Variants in NUP210 observed in about 807,000 individuals in gnomAD.
The protein encoded by NUP210 is nuclear pore membrane glycoprotein 210.
Under a neutral mutation model 196.0 loss-of-function variants are expected in NUP210, and 151 were observed. The ratio of observed to expected loss-of-function variants is 0.77; its 90% CI spans 0.67 to 0.88. The LOEUF is 0.88. Ranked by LOEUF, NUP210 falls within the 40% of genes least tolerant of loss-of-function variation. The pLI, the probability that NUP210 is intolerant of heterozygous loss-of-function variation, is 0.00. For missense variants in NUP210, 2,314 were observed against 2,493.7 expected, an observed-to-expected ratio of 0.93 and a Z score of 1.53; for synonymous variants, 1,070 against 1,052.7, an observed-to-expected ratio of 1.02 and a Z score of -0.32.
chr3:13,352,789 G>A (rs544165650), intron 18 of NUP210, among the ~76,000 whole-genome samples: 14 of 152,270 alleles, frequency 9.2e-5, no homozygotes, highest in Admixed American at 3.3e-4. Flanking sequence ...ATGCACGGAT[G>A]GAAGAGCAAG....
At position 13,322,182 on chromosome 3, in the gene NUP210, C is replaced by T. The variant is rs1696565135; in HGVS notation, c.4915+11G>A. 2 of 1,613,864 alleles carry T rather than the reference C, an allele frequency of 1.2e-6. 1 individual carries two copies. Among genetic ancestry groups the T allele is most frequent in the South Asian group, 2.2e-5 (2 of 91,068 alleles). On this transcript the variant is annotated intron_variant, in intron 35 of 39. Coordinates refer to ENST00000254508, the MANE Select transcript of NUP210 (RefSeq NM_024923.4). ...TCCAAGTCCCTTTCACTTTCAAATC[C>T]TCGCAATTACCGAGAGCAGTGTCAA...
intron 29 of NUP210, among the ~76,000 whole-genome samples, chr3:13,331,277 C>T (rs969319186): frequency 2.0e-5 from 3 of 152,142 alleles, no homozygotes; most frequent in African/African-American, 7.2e-5. Flanking sequence ...GTATCTGTTA[C>T]CCTTTTACAT....
intron 3 of NUP210, among the ~76,000 whole-genome samples, chr3:13,393,707 G>T (rs1465446310): frequency 1.3e-5 from 2 of 152,232 alleles, no homozygotes; most frequent in Admixed American, 1.3e-4. Context: ...GGTGGCAAGG[G>T]GGAAGGGAAA....
At chr3:13,411,819 C>T (rs1700182732) in intron 1 of NUP210, among the ~76,000 whole-genome samples, 2 of 152,230 alleles carry the variant, frequency 1.3e-5, no homozygotes, top group Non-Finnish European at 2.9e-5. Flanking sequence ...CAGCTCACTG[C>T]CACCTCCGCC....
chr3:13,373,242 T>A (rs1576394659), intron 12 of NUP210, among the ~76,000 whole-genome samples: 1 of 152,058 alleles, frequency 6.6e-6, no homozygotes, highest in East Asian at 1.9e-4. Flanking sequence ...CATTGTGAAG[T>A]GAGATGGCCC....
At chr3:13,400,628 C>T (rs1466994140) in intron 1 of NUP210, among the ~76,000 whole-genome samples, 1 of 152,234 alleles carries the variant, frequency 6.6e-6, no homozygotes, top group African/African-American at 2.4e-5. Flanking sequence ...CCACACTGAG[C>T]GTGCCCAGCT....
At chr3:13,382,043 C>A (rs1576403520) in intron 6 of NUP210, among the ~76,000 whole-genome samples, 1 of 152,344 alleles carries the variant, frequency 6.6e-6, no homozygotes, top group Middle Eastern at 3.4e-3. Flanking sequence ...GTTCCTTCTA[C>A]AACTGAGTCT....
rs891394128 is a variant in NUP210, at chr3:13,410,020, T to C, written c.167+10040A>G. Among the ~76,000 whole-genome samples the C allele has an allele frequency of 7.3e-5, 6 of 82,096 alleles. No individual in the cohort carries two copies. The South Asian group carries it at 1.9e-3, about 26-fold the overall frequency. The allele number at this position is 82,096 out of a possible 152,430, so 53.9% of individuals were successfully genotyped here. A position where few individuals can be genotyped will look rare whatever the true frequency, so the allele number is the denominator to read the frequency against. On this transcript the variant is annotated intron_variant, in intron 1 of 39. Coordinates refer to ENST00000254508, the MANE Select transcript of NUP210 (RefSeq NM_024923.4). ...AATTTTTAGCACGTCACCCAGCTAA[T>C]TTTTTTTTTTTTTTTTGTATTTTAG...
chr3:13,353,887 T>C, intron 17 of NUP210, 28 bp downstream of exon 17: 2 of 1,587,560 alleles, frequency 1.3e-6, no homozygotes, highest in Non-Finnish European at 1.7e-6. Context: ...TTCTCCTGCC[T>C]GGGCCATCAG....
chr3:13,379,667 C>T lies in NUP210; in HGVS notation c.872G>A (p.Gly291Asp). ...YELQLQNSIP[G>D]PEGDPARPVA... ...CGGCCGGGCTGGGTCTCCTTCGGGG[C>T]CCGGGATGCTGTTCTGAAGCTGCAA... is the stretch of plus-strand genomic sequence containing the variant. Residue 291 changes from glycine (G) to aspartate (D), a missense_variant, in exon 7 of 40, where the codon GGC becomes GAC. By Grantham distance (94) the Gly-to-Asp change is moderately conservative (BLOSUM62 -1). Transcript: ENST00000254508. The surrounding 1 kb of genome is among the most constrained non-coding windows in gnomAD (Gnocchi z 4.2). The T allele has an allele frequency of 1.2e-6, 2 of 1,613,816 alleles. No homozygotes were observed. Among genetic ancestry groups the T allele is most frequent in the Non-Finnish European group, 1.7e-6 (2 of 1,179,896 alleles).
At chr3:13,343,373 G>C (rs1697599631) in intron 20 of NUP210, 70 bp from the exon 21 acceptor site, 1 of 1,559,644 alleles carries the variant, frequency 6.4e-7, no homozygotes, top group Admixed American at 1.9e-5. Flanking sequence ...CCTCTGCTCA[G>C]GTTTGTGAGC....
chr3:13,378,882 T>C, intron 8 of NUP210, 30 bp downstream of exon 8: 19 of 1,524,286 alleles, frequency 1.2e-5, no homozygotes, highest in Non-Finnish European at 1.7e-5. Flanking sequence ...CTGAGCAGCA[T>C]CCATGAGGGC....
chr3:13,327,947 C>T, intron 31 of NUP210, among the ~76,000 whole-genome samples: 1 of 152,222 alleles, frequency 6.6e-6, no homozygotes, highest in East Asian at 1.9e-4. Flanking sequence ...AGGGCAGGTG[C>T]TCAGTCAATG....
At chr3:13,341,926 G>C (rs780471763) in intron 22 of NUP210, 43 bp from the exon 23 acceptor site, 11 of 1,613,338 alleles carry the variant, frequency 6.8e-6, no homozygotes, top group South Asian at 1.1e-5. Flanking sequence ...AGACCACCCC[G>C]TGGGAAAGGC....
intron 27 of NUP210, 72 bp from the exon 28 acceptor site, chr3:13,335,684 C>G: frequency 3.3e-6 from 5 of 1,529,944 alleles, no homozygotes; most frequent in East Asian, 2.3e-5. Flanking sequence ...CAGAGCCGGA[C>G]AGTAGCCCCA....
chr3:13,353,577 T>C lies in NUP210; in HGVS notation c.2605A>G (p.Ser869Gly), dbSNP rs112594384. 1.3e-5 allele frequency: 21 copies of C among 1,614,084 alleles called. No homozygotes were observed. The African/African-American group carries it at 1.7e-4, about 13-fold the overall frequency. Residue 869 changes from serine (S) to glycine (G), a missense_variant, in exon 18 of 40, where the codon AGC becomes GGC. Transcript: ENST00000254508. Reference protein sequence around the residue: ...TATGYQESHLSSARTKQPHDP... With the variant: ...TATGYQESHLGSARTKQPHDP... Reference sequence around the variant, plus strand: ...ACCGGCTGCTTTGTTCTGGCAGAGCTGAGGTGGGACTCCTGGTAGCCAGTG... The same window carrying C: ...ACCGGCTGCTTTGTTCTGGCAGAGCCGAGGTGGGACTCCTGGTAGCCAGTG...
At chr3:13,399,155 A>T (rs920939087) in intron 2 of NUP210, among the ~76,000 whole-genome samples, 2 of 150,812 alleles carry the variant, frequency 1.3e-5, no homozygotes, top group African/African-American at 4.9e-5. Flanking sequence ...AGTCTCAACT[A>T]CTCGGGAGGC....
intron 15 of NUP210, among the ~76,000 whole-genome samples, chr3:13,359,110 C>A (rs1698285869): frequency 6.6e-6 from 1 of 152,160 alleles, no homozygotes; most frequent in Non-Finnish European, 1.5e-5. Flanking sequence ...CCCTACCCCT[C>A]CTGACCATAA....
chr3:13,332,197 G>A, intron 29 of NUP210, 96 bp downstream of exon 29: 3 of 996,918 alleles, frequency 3.0e-6, no homozygotes, highest in East Asian at 4.8e-5. Flanking sequence ...AAACCTCCCT[G>A]AAAGTACCCA....
Sources: gnomAD v4.1 joint callset for allele counts (sites outside exome capture counted in the v4.1 genomes callset) on GRCh38, gnomAD v4.1.1 for gene constraint, Gnocchi (gnomAD v3.1) non-coding constraint, MANE v1.5 for transcripts, NCBI Gene and HGNC (gene_info 2026-07-23, HGNC 2026-07-21) for gene names.